SUFU: variants seen among roughly 807,000 people sequenced by gnomAD.
The protein encoded by SUFU is SUFU negative regulator of hedgehog signaling.
SUFU carries 7 observed loss-of-function variants against 58.9 expected under a neutral mutation model. The observed-to-expected ratio is 0.12, with a 90% CI of 0.07 to 0.22. The LOEUF is 0.22. SUFU is among the 10% of genes least tolerant of loss of function. The pLI is 1.00. For synonymous variants in SUFU, 232 were observed against 254.8 expected, an observed-to-expected ratio of 0.91 and a Z score of 0.85; for missense variants, 451 against 641.3, an observed-to-expected ratio of 0.70 and a Z score of 3.20.
intron 3 of SUFU, among the ~76,000 whole-genome samples, chr10:102,568,542 T>G (rs2063117334): frequency 2.0e-5 from 3 of 152,126 alleles, no homozygotes. Flanking sequence ...CATGCTTTAT[T>G]CACACAGCAT....
chr10:102,532,834 G>A (rs527489658), intron 2 of SUFU, among the ~76,000 whole-genome samples: 1 of 152,332 alleles, frequency 6.6e-6, no homozygotes, highest in African/African-American at 2.4e-5. Context: ...TTACTGAGAA[G>A]TCTGGACTTT....
At chr10:102,511,272 T>C (rs1175016043) in intron 2 of SUFU, among the ~76,000 whole-genome samples, 1 of 152,124 alleles carries the variant, frequency 6.6e-6, no homozygotes, top group African/African-American at 2.4e-5. Flanking sequence ...ATAAAATAAA[T>C]AGTCTTCCCT....
chr10:102,601,993 A>C (rs1343639045), intron 8 of SUFU, among the ~76,000 whole-genome samples: 3 of 152,248 alleles, frequency 2.0e-5, no homozygotes, highest in Non-Finnish European at 4.4e-5. Flanking sequence ...TCAGAGGCTC[A>C]GAGCAGCTGA....
At chr10:102,524,060 A>C (rs1420498836) in intron 2 of SUFU, among the ~76,000 whole-genome samples, 1 of 152,152 alleles carries the variant, frequency 6.6e-6, no homozygotes, top group Non-Finnish European at 1.5e-5. Context: ...ACCCTTTCGC[A>C]AATAACTTCT....
Position 102,561,528 on chromosome 10 carries a change from C to G in SUFU, c.454+11422C>G, listed in dbSNP as rs368791120. On this transcript the variant is annotated intron_variant, in intron 3 of 11. Coordinates refer to ENST00000369902, the MANE Select transcript of SUFU (RefSeq NM_016169.4). ...GGGATTACAGATGTGAGCCACTGCA[C>G]CGAGCCTAGTGTTTTTATAGCAACA... Among the ~76,000 whole-genome samples, 9 of 152,278 alleles carry G rather than the reference C, an allele frequency of 5.9e-5. No individual in the cohort carries two copies. The East Asian group carries it at 1.5e-3, about 26-fold the overall frequency.
chr10:102,575,106 C>T (rs916362444), intron 3 of SUFU, among the ~76,000 whole-genome samples: 6 of 151,442 alleles, frequency 4.0e-5, no homozygotes, highest in East Asian at 1.9e-4. Context: ...CTTAGCTACT[C>T]GGGAAGCTGA....
chr10:102,617,445 T>TC lies in SUFU; in HGVS notation c.1296+18dup. The stretch of plus-strand genomic sequence containing the variant: ...TGGTTACAAGTGAGAAGGCCCTTTT[T>TC]CTTCTCCCTCCTTCCTTTCATAGAC... On this transcript the variant is annotated intron_variant, in intron 10 of 11. Transcript: ENST00000369902. The surrounding 1 kb of genome is among the most constrained non-coding windows in gnomAD (Gnocchi z 4.4). The TC allele has an allele frequency of 1.2e-6, 2 of 1,614,204 alleles. No homozygotes were observed. Among genetic ancestry groups the TC allele is most frequent in the Non-Finnish European group, 1.7e-6 (2 of 1,180,032 alleles).
At chr10:102,516,293 C>A (rs1410764852) in intron 2 of SUFU, among the ~76,000 whole-genome samples, 1 of 151,778 alleles carries the variant, frequency 6.6e-6, no homozygotes, top group Non-Finnish European at 1.5e-5. Context: ...AGGCTGGTCT[C>A]AGACTCCTGA....
chr10:102,504,547 G>C (rs1404793208), intron 1 of SUFU, among the ~76,000 whole-genome samples: 1 of 151,794 alleles, frequency 6.6e-6, no homozygotes, highest in African/African-American at 2.4e-5. Flanking sequence ...GGGGTTAACC[G>C]GGATTAGGAG....
chr10:102,568,599 C>A (rs2063117936), intron 3 of SUFU, among the ~76,000 whole-genome samples: 1 of 151,928 alleles, frequency 6.6e-6, no homozygotes, highest in African/African-American at 2.4e-5. Context: ...TTCAGCCGGG[C>A]ACAGTGGCTC....
chr10:102,578,560 T>C (rs2063238962), intron 3 of SUFU, among the ~76,000 whole-genome samples: 1 of 151,926 alleles, frequency 6.6e-6, no homozygotes, highest in African/African-American at 2.4e-5. Context: ...GTACAAACAT[T>C]AGCTGGTCAT....
intron 10 of SUFU, among the ~76,000 whole-genome samples, chr10:102,626,843 C>A (rs2063790812): frequency 6.6e-6 from 1 of 152,030 alleles, no homozygotes; most frequent in African/African-American, 2.4e-5. Context: ...TTTTCTGTTC[C>A]TTTTTCTTCC....
intron 7 of SUFU, among the ~76,000 whole-genome samples, chr10:102,598,141 A>G (rs2063482577): frequency 6.6e-6 from 1 of 152,124 alleles, no homozygotes; most frequent in African/African-American, 2.4e-5. Context: ...CTCCTAGTGC[A>G]AATATTTGAG....
chr10:102,604,193 C>T (rs1447605142), intron 8 of SUFU, among the ~76,000 whole-genome samples: 1 of 152,160 alleles, frequency 6.6e-6, no homozygotes, highest in African/African-American at 2.4e-5. Context: ...CTCTTAGGGC[C>T]CCAGCCAGAC....
In SUFU at chr10:102,629,831, C is replaced by T. The variant is rs1419148924; in HGVS notation, c.1366-235C>T. Among the ~76,000 whole-genome samples the T allele has an allele frequency of 3.9e-5, 6 of 152,164 alleles. No individual in the cohort carries two copies. Among genetic ancestry groups the T allele is most frequent in the Non-Finnish European group, 8.8e-5 (6 of 68,032 alleles). On this transcript the variant is annotated intron_variant, in intron 11 of 11. Coordinates refer to ENST00000369902, the MANE Select transcript of SUFU (RefSeq NM_016169.4). The surrounding 1 kb of genome is among the most constrained non-coding windows in gnomAD (Gnocchi z 4.7). The stretch of plus-strand genomic sequence containing the variant: ...GCTTAGTGGAGAAAGGAGGAGAAAA[C>T]GCCCTCCTCCAACCTGCCTCATTAT...
chr10:102,553,787 A>G (rs1224293136), intron 3 of SUFU, among the ~76,000 whole-genome samples: 1 of 152,036 alleles, frequency 6.6e-6, no homozygotes, highest in Non-Finnish European at 1.5e-5. Flanking sequence ...TAACCCAGAC[A>G]GTGTAGCTCT....
chr10:102,524,728 G>A (rs1350556241), intron 2 of SUFU, among the ~76,000 whole-genome samples: 2 of 152,000 alleles, frequency 1.3e-5, no homozygotes, highest in African/African-American at 4.8e-5. Context: ...TATTTGTCTT[G>A]TTTATTGTCT....
intron 9 of SUFU, among the ~76,000 whole-genome samples, chr10:102,615,749 C>T (rs1309034047): frequency 1.3e-5 from 2 of 152,198 alleles, no homozygotes; most frequent in Non-Finnish European, 2.9e-5. Flanking sequence ...GGTGAGAAGT[C>T]TGCCATGCTT....
At chr10:102,504,383 T>A in intron 1 of SUFU, 49 bp downstream of exon 1, 1 of 1,606,976 alleles carries the variant, frequency 6.2e-7, no homozygotes, top group Non-Finnish European at 8.5e-7. Context: ...TGGAAAGGGT[T>A]AAAGCGCCGA....
Sources: gnomAD v4.1 joint callset for allele counts (sites outside exome capture counted in the v4.1 genomes callset) on GRCh38, gnomAD v4.1.1 for gene constraint, Gnocchi (gnomAD v3.1) non-coding constraint, MANE v1.5 for transcripts, NCBI Gene and HGNC (gene_info 2026-07-23, HGNC 2026-07-21) for gene names.